The following PTPN20 variants were observed in gnomAD, a reference collection of about 807,000 sequenced individuals.
PTPN20 encodes the protein protein tyrosine phosphatase non-receptor type 20.
In PTPN20, 9 loss-of-function variants were observed where a neutral mutation model predicts 35.0. The observed-to-expected ratio is 0.26, with a 90% CI of 0.15 to 0.45. The LOEUF (loss-of-function observed/expected upper bound fraction) is 0.45, where lower values mean the gene tolerates loss of function less well. Ranked by LOEUF, PTPN20 falls within the 20% of genes least tolerant of loss-of-function variation. The probability of loss-of-function intolerance (pLI) is 1.00; values close to 1 mark genes in which losing one functional copy is unlikely to be tolerated. For synonymous variants in PTPN20, 32 were observed against 100.2 expected (o/e 0.32, Z 4.06); for missense variants, 111 against 312.5 (o/e 0.36, Z 4.86).
intron 2 of PTPN20, among the ~76,000 whole-genome samples, chr10:46,936,076 T>C (rs2041538460): frequency 1.3e-5 from 2 of 152,374 alleles, no homozygotes; most frequent in East Asian, 3.9e-4. Context: ...TTTTTTCATA[T>C]GCTTCTTGGC....
At chr10:46,955,067 A>G (rs1344687026) in intron 5 of PTPN20, 1 of 151,182 alleles carries the variant, frequency 6.6e-6, no homozygotes, top group African/African-American at 2.5e-5. Context: ...CTTAGATTAT[A>G]TGCAAATACT....
intron 9 of PTPN20, among the ~76,000 whole-genome samples, chr10:46,991,857 T>C (rs1366507563): frequency 6.6e-6 from 1 of 152,178 alleles, no homozygotes; most frequent in Non-Finnish European, 1.5e-5. Flanking sequence ...CCTTTAAGAT[T>C]TTTTCTTTTG....
chr10:46,979,034 C>G (rs879958868), intron 7 of PTPN20, among the ~76,000 whole-genome samples: 1 of 152,020 alleles, frequency 6.6e-6, no homozygotes, highest in African/African-American at 2.4e-5. Context: ...AGACTTGAGC[C>G]AGTTTACACA....
chr10:46,998,108 C>T (rs995875186), intron 9 of PTPN20, among the ~76,000 whole-genome samples: 2 of 152,136 alleles, frequency 1.3e-5, no homozygotes, highest in Non-Finnish European at 2.9e-5. Flanking sequence ...TATAACCCAG[C>T]AATAGCACTC....
intron 7 of PTPN20, among the ~76,000 whole-genome samples, chr10:46,983,522 C>T (rs1405952590): frequency 1.3e-5 from 2 of 150,554 alleles, no homozygotes; most frequent in African/African-American, 4.9e-5. Flanking sequence ...AGAAGGAACT[C>T]CTGGAGCAGT....
At chr10:46,933,445 T>C (rs1235886762) in intron 2 of PTPN20, among the ~76,000 whole-genome samples, 2 of 150,830 alleles carry the variant, frequency 1.3e-5, no homozygotes, top group Admixed American at 6.6e-5. Context: ...TGATACCATC[T>C]GACCAACAAC....
intron 1 of PTPN20, chr10:46,926,227 T>C: frequency 3.1e-6 from 3 of 954,880 alleles, no homozygotes; most frequent in Non-Finnish European, 2.5e-6. Context: ...TAGTCCTTAT[T>C]TATATAAGCC....
intron 7 of PTPN20, among the ~76,000 whole-genome samples, chr10:46,976,490 T>C (rs1225595751): frequency 4.5e-5 from 5 of 110,794 alleles, no homozygotes; most frequent in East Asian, 2.3e-4. Flanking sequence ...TCATTTTTTT[T>C]CCCTGAGTGT....
intron 7 of PTPN20, chr10:46,981,302 G>A (rs1438599894): frequency 7.0e-6 from 1 of 142,744 alleles, no homozygotes; most frequent in Non-Finnish European, 1.5e-5. Flanking sequence ...CTGTCATTGT[G>A]TCATTGCCCA....
chr10:46,941,200 A>AT (rs1385605620), intron 3 of PTPN20, among the ~76,000 whole-genome samples: 2 of 148,568 alleles, frequency 1.3e-5, no homozygotes, highest in Non-Finnish European at 1.5e-5. Flanking sequence ...GGTGCTTTGC[A>AT]TTTTTTTTTC....
intron 1 of PTPN20, 80 bp downstream of exon 1, chr10:46,911,581 GA>G (rs2031979758): frequency 4.9e-6 from 1 of 205,324 alleles, no homozygotes; most frequent in Non-Finnish European, 9.3e-6. Context: ...GGGCGGGCGT[GA>G]AGAAGGAAGA....
chr10:46,959,816 T>G (rs2049430169), intron 5 of PTPN20, among the ~76,000 whole-genome samples: 1 of 123,906 alleles, frequency 8.1e-6, no homozygotes, highest in African/African-American at 3.1e-5. Context: ...TTTCATTTGT[T>G]GTCACAAAAT....
intron 7 of PTPN20, among the ~76,000 whole-genome samples, chr10:46,976,729 CTTTTTTT>C (rs1224114409): frequency 2.4e-5 from 3 of 125,208 alleles, no homozygotes; most frequent in East Asian, 4.2e-4. Context: ...CTACTCTTGT[CTTTTTTT>C]TTTTTTTTTT....
At chr10:46,998,495 A>T (rs1217396465) in intron 9 of PTPN20, among the ~76,000 whole-genome samples, 4 of 152,212 alleles carry the variant, frequency 2.6e-5, no homozygotes, top group African/African-American at 9.6e-5. Flanking sequence ...ATTGGGGTGG[A>T]TGAGTGTGAC....
intron 9 of PTPN20, among the ~76,000 whole-genome samples, chr10:46,995,322 A>C (rs1322182977): frequency 1.1e-5 from 1 of 87,606 alleles, no homozygotes; most frequent in African/African-American, 4.7e-5. Context: ...TACCTGTCGA[A>C]TTTTTTTTTT....
intron 8 of PTPN20, among the ~76,000 whole-genome samples, chr10:46,985,348 G>T (rs1463028385): frequency 6.7e-6 from 1 of 149,102 alleles, no homozygotes; most frequent in Non-Finnish European, 1.5e-5. Flanking sequence ...GTTGGCATGG[G>T]GGTGGAAAGC....
intron 5 of PTPN20, among the ~76,000 whole-genome samples, chr10:46,954,814 G>T (rs1184307617): frequency 6.6e-6 from 1 of 151,146 alleles, no homozygotes; most frequent in African/African-American, 2.5e-5. Flanking sequence ...TTATTAAGGT[G>T]GAAACTTAGA....
At chr10:46,992,769 A>G (rs961217614) in intron 9 of PTPN20, among the ~76,000 whole-genome samples, 10 of 152,186 alleles carry the variant, frequency 6.6e-5, no homozygotes, top group African/African-American at 2.4e-4. Context: ...AGCTAGTACA[A>G]TTGTTTGGAG....
At chr10:46,953,482 A>G (rs1287186411) in intron 5 of PTPN20, among the ~76,000 whole-genome samples, 3 of 142,040 alleles carry the variant, frequency 2.1e-5, no homozygotes, top group Non-Finnish European at 4.4e-5. Context: ...CATCCTTTCC[A>G]GATTCTCCAT....
Sources: gnomAD v4.1 joint callset for allele counts (sites outside exome capture counted in the v4.1 genomes callset) on GRCh38, gnomAD v4.1.1 for gene constraint, MANE v1.5 for transcripts, NCBI Gene and HGNC (gene_info 2026-07-23, HGNC 2026-07-21) for gene names.